The following SYVN1 variants were observed in gnomAD, a reference collection of about 807,000 sequenced individuals.
The protein encoded by SYVN1 is E3 ubiquitin-protein ligase synoviolin.
In SYVN1, 17 loss-of-function variants were observed where a neutral mutation model predicts 62.6. The ratio of observed to expected loss-of-function variants is 0.27; its 90% CI spans 0.19 to 0.41. The LOEUF is 0.41. Ranked by LOEUF, SYVN1 falls within the 10% of genes least tolerant of loss-of-function variation. The pLI, the probability that SYVN1 is intolerant of heterozygous loss-of-function variation, is 1.00. For synonymous variants in SYVN1, 316 were observed against 304.0 expected (o/e 1.04, Z -0.41); for missense variants, 634 against 818.0 (o/e 0.78, Z 2.74).
At chr11:65,129,520 C>T in intron 14 of SYVN1, 1 of 524,876 alleles carries the variant, frequency 1.9e-6, no homozygotes, top group South Asian at 3.2e-5. Flanking sequence ...CTCGAATAAA[C>T]ATCACTCCTA....
intron 6 of SYVN1, 69 bp downstream of exon 6, chr11:65,132,179 G>A (rs557192751): frequency 7.7e-5 from 96 of 1,246,882 alleles, no homozygotes; most frequent in South Asian, 5.6e-4. Context: ...GGAAGGGTCT[G>A]TTGGGTTATT....
chr11:65,132,356 G>A lies in SYVN1; in HGVS notation c.428-5C>T. 6.2e-7 allele frequency: 1 copy of A among 1,608,854 alleles called. No individual in the cohort carries two copies. The highest frequency in any genetic ancestry group is 1.1e-5 in the South Asian group (1 of 90,934). On this transcript the variant is annotated splice_region_variant and splice_polypyrimidine_tract_variant and intron_variant, in intron 5 of 15. Transcript: ENST00000377190. ...TGCCCAGGAGGAACATAAGAGCTGT[G>A]GGGACCCCCACACATGCAGGGTGGG...
In SYVN1 at chr11:65,130,995, T is replaced by C; in HGVS notation, c.866A>G (p.Asn289Ser). 6.2e-7 allele frequency: 1 copy of C among 1,614,134 alleles called. No homozygotes were observed. The highest frequency in any genetic ancestry group is 8.5e-7 in the Non-Finnish European group (1 of 1,180,008). Residue 289 changes from asparagine (N) to serine (S), a missense_variant, in exon 10 of 16, where the codon AAT (asparagine) becomes AGT (serine). By Grantham distance (46) the Asn-to-Ser change is conservative. Coordinates refer to ENST00000377190, the MANE Select transcript of SYVN1 (RefSeq NM_172230.3). ...ATPEELQAMDNVCIICREEMV... is the reference protein window; with the variant it reads ...ATPEELQAMDSVCIICREEMV... Reference sequence around the variant, plus strand: ...CTCTTCTCGGCAGATGATGCAGACATTGTCCATTGCCTGGAGCTCCTCTGG... The same window carrying C: ...CTCTTCTCGGCAGATGATGCAGACACTGTCCATTGCCTGGAGCTCCTCTGG...
Position 65,133,218 on chromosome 11 carries a change from A to G in SYVN1, c.167T>C (p.Leu56Pro), listed in dbSNP as rs1320358761. ...CACCTTGCCCATCACCTTGCCCAGA[A>G]GGAAGACAAGGACAAAGGCCTGGAT... The part of the protein sequence containing the change: ...LYIQAFVLVF[L>P]LGKVMGKVFF... Residue 56 changes from leucine to proline, a missense_variant, in exon 3 of 16, where the codon CTT (leucine) becomes CCT (proline). Physicochemically the swap from Leu to Pro is moderately conservative, Grantham distance 98 (BLOSUM62 -3). Around this residue, in one of 2 missense-constraint regions of SYVN1, gnomAD observed 283 missense variants for 444.7 expected, o/e 0.64. Coordinates refer to ENST00000377190, the MANE Select transcript of SYVN1 (RefSeq NM_172230.3). The G allele has an allele frequency of 6.2e-7, 1 of 1,614,170 alleles. No homozygotes were observed. The highest frequency in any genetic ancestry group is 1.7e-5 in the Admixed American group (1 of 60,022).
In SYVN1 at chr11:65,128,416, C is replaced by T. The variant is rs374210842; in HGVS notation, c.1820G>A (p.Arg607His). ...EPDAAELRRR[R>H]LQKLESPVAH The stretch of plus-strand genomic sequence containing the variant: ...AACAGGAGACTCCAGCTTCTGCAGG[C>T]GGCGCCGGCGGAGCTCTGCTGCATC... The change falls in exon 16 of 16, where the codon CGC (arginine) becomes CAC (histidine). Residue 607 changes from arginine to histidine, a missense_variant. Arg to His is a conservative substitution (Grantham distance 29, BLOSUM62 0). This residue lies in a region of SYVN1 where 351 missense variants were observed against 373.3 expected (regional missense o/e 0.94). Coordinates refer to ENST00000377190, the MANE Select transcript of SYVN1 (RefSeq NM_172230.3). The T allele has an allele frequency of 8.1e-6, 13 of 1,613,666 alleles. No homozygotes were observed. Among genetic ancestry groups the T allele is most frequent in the Admixed American group, 3.3e-5 (2 of 59,972 alleles).
At chr11:65,130,603 C>T (rs1948164678) in intron 11 of SYVN1, 57 bp downstream of exon 11, 2 of 1,487,754 alleles carry the variant, frequency 1.3e-6, no homozygotes, top group Non-Finnish European at 1.8e-6. Flanking sequence ...TCTTCCACAT[C>T]CAGCCCAGGG....
chr11:65,128,474 C>T lies in SYVN1; in HGVS notation c.1762G>A (p.Gly588Ser), dbSNP rs779220666. Residue 588 changes from glycine (G) to serine (S), a missense_variant, in exon 16 of 16, where the codon GGC (glycine) becomes AGC (serine). This residue lies in a region of SYVN1 where 351 missense variants were observed against 373.3 expected (regional missense o/e 0.94). Coordinates refer to ENST00000377190, the MANE Select transcript of SYVN1 (RefSeq NM_172230.3). The stretch of plus-strand genomic sequence containing the variant: ...CCATCCTCAGGCATCTCCTCTGTGC[C>T]CACTGACTCAGGAGCTGGGGACAGA... ...MERPPAPESV[G>S]TEEMPEDGEP... 106 of 1,614,006 alleles carry T rather than the reference C, an allele frequency of 6.6e-5. No individual in the cohort carries two copies. Among genetic ancestry groups the T allele is most frequent in the Non-Finnish European group, 8.0e-5 (94 of 1,180,000 alleles).
chr11:65,132,592 G>T, intron 5 of SYVN1, 140 bp downstream of exon 5: 1 of 1,095,270 alleles, frequency 9.1e-7, no homozygotes. Context: ...AAGCCCTAGA[G>T]TGGAACAGCA....
chr11:65,130,731 G>A lies in SYVN1; in HGVS notation c.1034C>T (p.Pro345Leu), dbSNP rs1160952254. Reference protein sequence around the residue: ...RASLPAQSPPPPEPADQGPPP... With the variant: ...RASLPAQSPPLPEPADQGPPP... ...TGGCCCCTGATCCGCAGGCTCCGGG[G>A]GTGGTGGTGACTGCGCTGGCAGCGA... is the stretch of plus-strand genomic sequence containing the variant. Residue 345 changes from proline to leucine, a missense_variant, in exon 11 of 16, where the codon CCC (proline) becomes CTC (leucine). Pro to Leu is a moderately conservative substitution (Grantham distance 98). Around this residue, in one of 2 missense-constraint regions of SYVN1, gnomAD observed 351 missense variants for 373.3 expected, o/e 0.94. Transcript: ENST00000377190. 6.5e-7 allele frequency: 1 copy of A among 1,529,088 alleles called. No individual in the cohort carries two copies. Among genetic ancestry groups the A allele is most frequent in the South Asian group, 1.3e-5 (1 of 77,110 alleles). 94.7% of individuals were successfully genotyped at this position (1,529,088 alleles called of 1,614,324 possible). A position where few individuals can be genotyped will look rare whatever the true frequency, so the allele number is the denominator to read the frequency against.
chr11:65,129,952 C>T (rs2137240703), intron 13 of SYVN1, 37 bp from the exon 14 acceptor site: 1 of 1,604,990 alleles, frequency 6.2e-7, no homozygotes, highest in Non-Finnish European at 8.5e-7. Flanking sequence ...CTGCTGGGGC[C>T]AGACACCAAC....
At position 65,131,569 on chromosome 11, in the gene SYVN1, T is replaced by C. The variant is rs1232439514; in HGVS notation, c.559A>G (p.Thr187Ala). 2 of 1,613,694 alleles carry C rather than the reference T, an allele frequency of 1.2e-6. No homozygotes were observed. The highest frequency in any genetic ancestry group is 1.3e-5 in the African/African-American group (1 of 74,826). ...EYAILMTMVL[T>A]IFIKYVLHSV... ...TGCAGCACATACTTGATGAAGATGGTGAGCACCATCGTCATCAGGATGGCA... is the reference window on the plus strand; with the variant it reads ...TGCAGCACATACTTGATGAAGATGGCGAGCACCATCGTCATCAGGATGGCA... The change falls in exon 7 of 16, where the codon ACC becomes GCC. Residue 187 changes from threonine (T) to alanine (A), a missense_variant. Thr to Ala is a moderately conservative substitution (Grantham distance 58). Around this residue, in one of 2 missense-constraint regions of SYVN1, gnomAD observed 283 missense variants for 444.7 expected, o/e 0.64. Coordinates refer to ENST00000377190, the MANE Select transcript of SYVN1 (RefSeq NM_172230.3).
rs1948114920 is a variant in SYVN1, at chr11:65,127,435, G to A, written c.*947C>T. The A allele has an allele frequency of 1.1e-5, 2 of 189,470 alleles. No individual in the cohort carries two copies. The highest frequency in any genetic ancestry group is 2.3e-5 in the African/African-American group (1 of 42,694). The allele number at this position is 189,470 out of a possible 1,614,324, so 11.7% of individuals were successfully genotyped here. A position where few individuals can be genotyped will look rare whatever the true frequency, so the allele number is the denominator to read the frequency against. ...CAGGGGCAGGCAGGTCCCAGCTCCT[G>A]TGGTCCCTCCTTGGCACAGAGCCTT... On this transcript the variant is annotated 3_prime_UTR_variant, in exon 16 of 16. Transcript: ENST00000377190.
At chr11:65,130,478 A>G in intron 11 of SYVN1, 99 bp from the exon 12 acceptor site, 1 of 1,426,294 alleles carries the variant, frequency 7.0e-7, no homozygotes, top group South Asian at 1.5e-5. Context: ...CTATTCCCAC[A>G]GGCCCTCAGC....
intron 11 of SYVN1, 128 bp downstream of exon 11, chr11:65,130,532 T>C: frequency 7.1e-7 from 1 of 1,416,018 alleles, no homozygotes; most frequent in Non-Finnish European, 9.3e-7. Flanking sequence ...TTCTCATCTT[T>C]TAATCCCTCC....
At position 65,128,410 on chromosome 11, in the gene SYVN1, T is replaced by C. The variant is rs1253181517; in HGVS notation, c.1826A>G (p.Gln609Arg). 3.1e-6 allele frequency: 5 copies of C among 1,613,708 alleles called. No individual in the cohort carries two copies. The African/African-American group carries it at 4.0e-5, about 13-fold the overall frequency. Reference protein sequence around the residue: ...DAAELRRRRLQKLESPVAH With the variant: ...DAAELRRRRLRKLESPVAH ...GTGGGCAACAGGAGACTCCAGCTTC[T>C]GCAGGCGGCGCCGGCGGAGCTCTGC... The change falls in exon 16 of 16, where the codon CAG becomes CGG. Residue 609 changes from glutamine (Q) to arginine (R), a missense_variant. Physicochemically the swap from Gln to Arg is conservative, Grantham distance 43 (BLOSUM62 1). Transcript: ENST00000377190.
chr11:65,129,788 T>C lies in SYVN1; in HGVS notation c.1536A>G (p.Thr512=), dbSNP rs142527815. ...TCTGCAGCATGGCGGCGTCCAGCAG[T>C]GTGTGGATGTTACGCAGGCTCTGCA... is the stretch of plus-strand genomic sequence containing the variant. The part of the protein sequence containing the change: ...ARLQSLRNIH[T]LLDAAMLQIN... The change falls in exon 14 of 16, where the codon ACA becomes ACG. Residue 512 remains threonine, a synonymous_variant. Transcript: ENST00000377190. 3.1e-4 allele frequency: 493 copies of C among 1,614,090 alleles called. No individual in the cohort carries two copies. Among genetic ancestry groups the C allele is most frequent in the Non-Finnish European group, 3.8e-4 (443 of 1,180,004 alleles).
Position 65,128,483 on chromosome 11 carries a change from C to G in SYVN1, c.1753G>C (p.Glu585Gln). The G allele has an allele frequency of 6.2e-7, 1 of 1,613,916 alleles. No individual in the cohort carries two copies. Among genetic ancestry groups the G allele is most frequent in the South Asian group, 1.1e-5 (1 of 91,062 alleles). ...GGCATCTCCTCTGTGCCCACTGACTCAGGAGCTGGGGACAGAGAGACTGGA... is the reference window on the plus strand; with the variant it reads ...GGCATCTCCTCTGTGCCCACTGACTGAGGAGCTGGGGACAGAGAGACTGGA... ...APEMERPPAP[E>Q]SVGTEEMPED... The change falls in exon 16 of 16, where the codon GAG (glutamate) becomes CAG (glutamine). Residue 585 changes from glutamate (E) to glutamine (Q), a missense_variant. Around this residue, in one of 2 missense-constraint regions of SYVN1, gnomAD observed 351 missense variants for 373.3 expected, o/e 0.94. Coordinates refer to ENST00000377190, the MANE Select transcript of SYVN1 (RefSeq NM_172230.3).
chr11:65,129,354 G>T (rs1213944168), intron 14 of SYVN1: 2 of 208,360 alleles, frequency 9.6e-6, no homozygotes, highest in African/African-American at 4.6e-5. Flanking sequence ...GGCTCCAAGT[G>T]ACTTCCTATT....
Position 65,129,982 on chromosome 11 carries a change from C to G in SYVN1, c.1408+20G>C, listed in dbSNP as rs771247876. The G allele has an allele frequency of 5.6e-6, 9 of 1,595,234 alleles. No individual in the cohort carries two copies. The South Asian group carries it at 7.8e-5, about 14-fold the overall frequency. On this transcript the variant is annotated intron_variant, in intron 13 of 15. Transcript: ENST00000377190. ...ACCAACCTCACCCCCAAGAAGAACCCAGAGAGTGGCCCAGCTTACCAAAGG... is the reference window on the plus strand; with the variant it reads ...ACCAACCTCACCCCCAAGAAGAACCGAGAGAGTGGCCCAGCTTACCAAAGG...
Sources: allele counts gnomAD v4.1 joint callset, GRCh38; gene constraint gnomAD v4.1.1; regional missense constraint gnomAD v4.1.1; transcripts MANE v1.5; gene names NCBI Gene and HGNC (gene_info 2026-07-23, HGNC 2026-07-21).